CPNE2: variants seen among roughly 807,000 people sequenced by gnomAD.
CPNE2 encodes the protein copine-2.
Under a neutral mutation model 69.7 loss-of-function variants are expected in CPNE2, and 42 were observed. The observed-to-expected ratio is 0.60, with a 90% CI of 0.47 to 0.78. The LOEUF (loss-of-function observed/expected upper bound fraction) is 0.78. Among genes scored for constraint, CPNE2 ranks in the 30% least tolerant of loss-of-function variants. CPNE2 has a pLI of 0.00. For synonymous variants in CPNE2, 294 were observed against 289.8 expected (o/e 1.01, Z -0.15); for missense variants, 587 against 732.0 (o/e 0.80, Z 2.29).
chr16:57,128,687 T>A (rs1051546575), intron 12 of CPNE2, among the ~76,000 whole-genome samples: 11 of 152,170 alleles, frequency 7.2e-5, no homozygotes, highest in Admixed American at 6.5e-4. Flanking sequence ...ATATGGACTT[T>A]TAGTGTATTC....
At chr16:57,108,256 T>C (rs894043396) in intron 1 of CPNE2, among the ~76,000 whole-genome samples, 4 of 152,214 alleles carry the variant, frequency 2.6e-5, no homozygotes, top group African/African-American at 9.6e-5. Context: ...CTAGAGTGAA[T>C]GAAAGCCTCA....
Position 57,123,460 on chromosome 16 carries a change from A to G in CPNE2, c.914A>G (p.Gln305Arg). The G allele has an allele frequency of 6.2e-7, 1 of 1,613,302 alleles. No individual in the cohort carries two copies. Among genetic ancestry groups the G allele is most frequent in the Non-Finnish European group, 8.5e-7 (1 of 1,180,012 alleles). ...CTTGACTACATCCTGGGAGGCTGCCAGCTCATGTTCACCGTAAGGCTCTCC... is the reference window on the plus strand; with the variant it reads ...CTTGACTACATCCTGGGAGGCTGCCGGCTCATGTTCACCGTAAGGCTCTCC... ...SFLDYILGGC[Q>R]LMFTVGIDFT... Residue 305 changes from glutamine to arginine, a missense_variant, in exon 10 of 16, where the codon CAG becomes CGG. Transcript: ENST00000290776.
chr16:57,110,648 A>G (rs1302406459), intron 1 of CPNE2, 60 bp from the exon 2 acceptor site: 7 of 1,150,328 alleles, frequency 6.1e-6, no homozygotes, highest in South Asian at 2.0e-5. Context: ...ATGCCTCCCT[A>G]TGGTGGGGCA....
intron 13 of CPNE2, 51 bp from the exon 14 acceptor site, chr16:57,137,098 G>A (rs1217939733): frequency 6.3e-7 from 1 of 1,598,572 alleles, no homozygotes; most frequent in South Asian, 1.1e-5. Context: ...AGATGAGAGT[G>A]GGTATGGGGT....
At chr16:57,118,167 CT>C (rs375042587) in intron 5 of CPNE2, among the ~76,000 whole-genome samples, 11,469 of 135,784 alleles carry the variant, frequency 0.084, 588 homozygotes, top group East Asian at 0.19. Flanking sequence ...TACTTTCTTT[CT>C]TTTTTTTTTT....
At chr16:57,117,170 C>T (rs754128775) in intron 4 of CPNE2, among the ~76,000 whole-genome samples, 3 of 152,090 alleles carry the variant, frequency 2.0e-5, no homozygotes, top group Non-Finnish European at 4.4e-5. Context: ...GGTCATGCTG[C>T]TCTCTGGGCC....
At chr16:57,113,231 C>A in intron 2 of CPNE2, 57 bp from the exon 3 acceptor site, 1 of 1,518,236 alleles carries the variant, frequency 6.6e-7, no homozygotes, top group Non-Finnish European at 9.1e-7. Context: ...CAGCAGCCTG[C>A]GAGGTCTTGG....
intron 9 of CPNE2, 93 bp from the exon 10 acceptor site, chr16:57,123,321 C>A: frequency 1.5e-6 from 2 of 1,311,484 alleles, no homozygotes; most frequent in South Asian, 1.2e-5. Flanking sequence ...ACCTCCTTGT[C>A]CCTACTGAGG....
intron 7 of CPNE2, among the ~76,000 whole-genome samples, chr16:57,120,082 G>A (rs976854880): frequency 1.3e-5 from 2 of 151,204 alleles, no homozygotes; most frequent in Admixed American, 6.6e-5. Context: ...AGACCAGCCT[G>A]GCCAACATGG....
chr16:57,101,591 T>G (rs1395195686), intron 1 of CPNE2, among the ~76,000 whole-genome samples: 1 of 134,654 alleles, frequency 7.4e-6, no homozygotes, highest in Admixed American at 7.1e-5. Context: ...GACACCTGCC[T>G]CATTATGCCA....
Position 57,146,322 on chromosome 16 carries a change from G to C in CPNE2, c.1539+1G>C. The C allele has an allele frequency of 1.9e-6, 3 of 1,547,268 alleles. No individual in the cohort carries two copies. Among genetic ancestry groups the C allele is most frequent in the Non-Finnish European group, 2.6e-6 (3 of 1,143,348 alleles). On this transcript the variant is annotated splice_donor_variant, in intron 15 of 15. Coordinates refer to ENST00000290776, the MANE Select transcript of CPNE2 (RefSeq NM_152727.6). LOFTEE classifies it high-confidence loss of function. This position sits in a 1 kb window ranked among gnomAD's most constrained non-coding sequence, Gnocchi z 4.4. ...CGTTCCCTTTCGAGAGTTCCGCAAC[G>C]TGAGTGTGGGCCTGGGCTGGGAGGG...
intron 7 of CPNE2, among the ~76,000 whole-genome samples, chr16:57,120,679 A>G (rs1427310438): frequency 1.3e-5 from 2 of 152,118 alleles, no homozygotes; most frequent in Non-Finnish European, 2.9e-5. Context: ...GATGGGAACA[A>G]TAATCCCTGC....
rs2069788647 is a variant in CPNE2, at chr16:57,124,770, A to G, written c.928-1090A>G. The G allele has an allele frequency of 7.3e-5, 16 of 219,306 alleles. 2 individuals carry two copies. In the South Asian group the frequency reaches 9.9e-4, roughly 14 times the overall value. 13.6% of individuals were successfully genotyped at this position (219,306 alleles called of 1,614,324 possible). A position where few individuals can be genotyped will look rare whatever the true frequency, so the allele number is the denominator to read the frequency against. ...TCACCACCCCTAGATCCTAATGGGAAATGGAGGGCATCACAGGATGCCATG... is the reference window on the plus strand; with the variant it reads ...TCACCACCCCTAGATCCTAATGGGAGATGGAGGGCATCACAGGATGCCATG... On this transcript the variant is annotated intron_variant, in intron 10 of 15. Transcript: ENST00000290776.
chr16:57,097,705 C>T (rs1401796875), intron 1 of CPNE2, among the ~76,000 whole-genome samples: 1 of 152,158 alleles, frequency 6.6e-6, no homozygotes, highest in Non-Finnish European at 1.5e-5. Flanking sequence ...ACCCAGGGGA[C>T]CTCACATCCT....
intron 14 of CPNE2, 126 bp downstream of exon 14, chr16:57,137,408 C>T: frequency 8.0e-7 from 1 of 1,253,452 alleles, no homozygotes; most frequent in Non-Finnish European, 1.1e-6. Flanking sequence ...GCTTTACCTT[C>T]ACGTATTGTA....
intron 12 of CPNE2, among the ~76,000 whole-genome samples, chr16:57,132,013 C>T (rs1020758451): frequency 9.2e-5 from 14 of 152,200 alleles, no homozygotes; most frequent in African/African-American, 3.1e-4. Flanking sequence ...GGGTTTCTTT[C>T]TGCCTGCATC....
intron 10 of CPNE2, chr16:57,124,325 G>A: frequency 2.2e-6 from 1 of 447,244 alleles, no homozygotes; most frequent in Non-Finnish European, 4.5e-6. Flanking sequence ...CAAGCGATCT[G>A]CCCACCTTGG....
chr16:57,116,709 G>A (rs1367121432), intron 4 of CPNE2, among the ~76,000 whole-genome samples: 1 of 152,172 alleles, frequency 6.6e-6, no homozygotes, highest in Non-Finnish European at 1.5e-5. Flanking sequence ...GTGATAATAG[G>A]ACCTACCCTA....
intron 14 of CPNE2, among the ~76,000 whole-genome samples, chr16:57,138,526 G>T (rs2069899288): frequency 1.3e-5 from 2 of 152,128 alleles, no homozygotes; most frequent in Non-Finnish European, 2.9e-5. Flanking sequence ...CCTTCTCTTA[G>T]GATGATTCTG....
Sources: gnomAD v4.1 joint callset for allele counts (sites outside exome capture counted in the v4.1 genomes callset) on GRCh38, gnomAD v4.1.1 for gene constraint, Gnocchi (gnomAD v3.1) non-coding constraint, MANE v1.5 for transcripts, NCBI Gene and HGNC (gene_info 2026-07-23, HGNC 2026-07-21) for gene names.